TMEM108: variants seen among roughly 807,000 people sequenced by gnomAD.
TMEM108 encodes the protein transmembrane protein 108.
A neutral mutation model predicts 35.1 loss-of-function variants in TMEM108; 12 were observed. That is an observed-to-expected ratio of 0.34 (90% CI 0.22 to 0.55). TMEM108 has a LOEUF of 0.55. Ranked by LOEUF, TMEM108 falls within the 20% of genes least tolerant of loss-of-function variation. The probability of loss-of-function intolerance (pLI) is 0.89; values close to 1 mark genes in which losing one functional copy is unlikely to be tolerated. For synonymous variants in TMEM108, 287 were observed against 308.6 expected, an observed-to-expected ratio of 0.93 and a Z score of 0.73; for missense variants, 680 against 753.3, an observed-to-expected ratio of 0.90 and a Z score of 1.14.
chr3:133,372,323 G>GTCA (rs1236612847), intron 3 of TMEM108, among the ~76,000 whole-genome samples: 1 of 152,148 alleles, frequency 6.6e-6, no homozygotes, highest in East Asian at 1.9e-4. Context: ...CTACATGGTG[G>GTCA]TCATTTTGAC....
intron 2 of TMEM108, among the ~76,000 whole-genome samples, chr3:133,109,532 G>C (rs531584403): frequency 2.0e-5 from 3 of 152,156 alleles, no homozygotes; most frequent in Non-Finnish European, 2.9e-5. Context: ...AGCTAACTCT[G>C]TTTCTAAAGA....
intron 2 of TMEM108, among the ~76,000 whole-genome samples, chr3:133,137,368 T>C (rs1944579747): frequency 1.3e-5 from 2 of 152,212 alleles, no homozygotes; most frequent in African/African-American, 4.8e-5. Flanking sequence ...TTTTCTAATT[T>C]GAAAGAGCAG....
chr3:133,110,717 C>G (rs770180496), intron 2 of TMEM108, among the ~76,000 whole-genome samples: 1 of 152,162 alleles, frequency 6.6e-6, no homozygotes, highest in African/African-American at 2.4e-5. Context: ...ATACAAACTC[C>G]TGAACCCACT....
At chr3:133,305,290 C>A (rs1046643457) in intron 3 of TMEM108, among the ~76,000 whole-genome samples, 1 of 145,836 alleles carries the variant, frequency 6.9e-6, no homozygotes, top group African/African-American at 2.6e-5. Flanking sequence ...CACATATTCT[C>A]ACTCATAGGT....
chr3:133,165,726 G>T (rs528606492), intron 2 of TMEM108, among the ~76,000 whole-genome samples: 2 of 152,288 alleles, frequency 1.3e-5, no homozygotes, highest in Admixed American at 1.3e-4. Flanking sequence ...GGTGCGTTTG[G>T]GATAGGAGCT....
chr3:133,237,406 T>TC (rs11379577), intron 3 of TMEM108, among the ~76,000 whole-genome samples: 30,922 of 152,070 alleles, frequency 0.2, 3,667 homozygotes, highest in Middle Eastern at 0.32. Flanking sequence ...CTATGTTCTT[T>TC]CTGGACCATT....
At chr3:133,265,131 A>G (rs1946678482) in intron 3 of TMEM108, among the ~76,000 whole-genome samples, 1 of 152,252 alleles carries the variant, frequency 6.6e-6, no homozygotes, top group South Asian at 2.1e-4. Context: ...CACATTAATC[A>G]AAGATTACAT....
At chr3:133,079,296 C>G (rs1260802906) in intron 2 of TMEM108, among the ~76,000 whole-genome samples, 2 of 152,206 alleles carry the variant, frequency 1.3e-5, no homozygotes, top group Non-Finnish European at 2.9e-5. Flanking sequence ...CATAAATCCT[C>G]TCAGTGATTC....
At chr3:133,326,787 T>G (rs1425071345) in intron 3 of TMEM108, among the ~76,000 whole-genome samples, 1 of 152,210 alleles carries the variant, frequency 6.6e-6, no homozygotes. Context: ...AAATTCTGTC[T>G]TCATCGATTA....
intron 3 of TMEM108, among the ~76,000 whole-genome samples, chr3:133,360,990 C>G (rs2072330805): frequency 1.3e-5 from 2 of 152,216 alleles, no homozygotes; most frequent in African/African-American, 4.8e-5. Context: ...CATCACAGCC[C>G]TCATGTAACC....
intron 3 of TMEM108, among the ~76,000 whole-genome samples, chr3:133,235,088 C>G (rs1213409636): frequency 6.6e-6 from 1 of 152,016 alleles, no homozygotes; most frequent in Admixed American, 6.6e-5. Flanking sequence ...AACCACTGCT[C>G]AATGAAATAA....
intron 4 of TMEM108, among the ~76,000 whole-genome samples, chr3:133,384,529 G>C (rs554483946): frequency 6.6e-6 from 1 of 152,322 alleles, no homozygotes; most frequent in East Asian, 1.9e-4. Context: ...CCTGAGCCCT[G>C]CCAGACACTC....
chr3:133,357,586 C>T lies in TMEM108; in HGVS notation c.41-22166C>T, dbSNP rs866030029. On this transcript the variant is annotated intron_variant, in intron 3 of 5. Transcript: ENST00000321871. The stretch of plus-strand genomic sequence containing the variant: ...TGTGGTATACATACACTATGGAACA[C>T]TACTCAGCCATAAAAAGAAACAAAA... Among the ~76,000 whole-genome samples, 8 of 152,304 alleles carry T rather than the reference C, an allele frequency of 5.3e-5. No homozygotes were observed. In the East Asian group the frequency reaches 9.6e-4, roughly 18 times the overall value.
At chr3:133,117,331 A>G (rs533210076) in intron 2 of TMEM108, among the ~76,000 whole-genome samples, 23 of 152,338 alleles carry the variant, frequency 1.5e-4, no homozygotes, top group Admixed American at 1.4e-3. Context: ...AAGCAAGTCA[A>G]TCAGCGAGTA....
chr3:133,188,987 T>TGGGTGTGGATCCAGGC (rs1945461002), intron 2 of TMEM108, among the ~76,000 whole-genome samples: 1 of 152,112 alleles, frequency 6.6e-6, no homozygotes, highest in South Asian at 2.1e-4. Context: ...TAGGAGTGGG[T>TGGGTGTGGATCCAGGC]GGGTGTGGAT....
At chr3:133,117,068 C>T (rs1218504818) in intron 2 of TMEM108, among the ~76,000 whole-genome samples, 5 of 152,364 alleles carry the variant, frequency 3.3e-5, no homozygotes, top group African/African-American at 1.2e-4. Flanking sequence ...CCGCACCCGG[C>T]CTGATTTACC....
At position 133,159,988 on chromosome 3, in the gene TMEM108, G is replaced by C. The variant is rs145186267; in HGVS notation, c.-46-69278G>C. ...AGCAAGTAAGAATCCATGTTGAGAA[G>C]CATGGGGAGAGGCCAGAATCAAACA... is the stretch of plus-strand genomic sequence containing the variant. On this transcript the variant is annotated intron_variant, in intron 2 of 5. Transcript: ENST00000321871. Among the ~76,000 whole-genome samples, 12 of 152,346 alleles carry C rather than the reference G, an allele frequency of 7.9e-5. No homozygotes were observed. In the East Asian group the frequency reaches 2.3e-3, roughly 29 times the overall value.
intron 3 of TMEM108, among the ~76,000 whole-genome samples, chr3:133,314,587 T>C (rs1484132629): frequency 6.6e-6 from 1 of 152,230 alleles, no homozygotes; most frequent in East Asian, 1.9e-4. Context: ...ATTCCCATTA[T>C]ACATTACAGC....
chr3:133,289,160 A>T (rs1455198265), intron 3 of TMEM108, among the ~76,000 whole-genome samples: 2 of 152,168 alleles, frequency 1.3e-5, no homozygotes, highest in South Asian at 2.1e-4. Context: ...GTTGGCCATG[A>T]TTTAATGGTT....
Sources: gnomAD v4.1 joint callset for allele counts (sites outside exome capture counted in the v4.1 genomes callset) on GRCh38, gnomAD v4.1.1 for gene constraint, MANE v1.5 for transcripts, NCBI Gene and HGNC (gene_info 2026-07-23, HGNC 2026-07-21) for gene names.